The following CFAP69 variants were observed in gnomAD, a reference collection of about 807,000 sequenced individuals.
CFAP69 encodes cilia- and flagella-associated protein 69.
In CFAP69, 92 loss-of-function variants were observed where a neutral mutation model predicts 123.0. The ratio of observed to expected loss-of-function variants is 0.75; its 90% CI spans 0.63 to 0.89. The LOEUF (loss-of-function observed/expected upper bound fraction) is 0.89, where lower values mean the gene tolerates loss of function less well. CFAP69 is among the 40% of genes least tolerant of loss of function. CFAP69 has a pLI of 0.00. For synonymous variants in CFAP69, 380 were observed against 364.3 expected (o/e 1.04, Z -0.49); for missense variants, 1,067 against 1,096.9 (o/e 0.97, Z 0.39).
intron 5 of CFAP69, among the ~76,000 whole-genome samples, chr7:90,267,757 A>AC (rs1799354551): frequency 6.6e-6 from 1 of 152,124 alleles, no homozygotes; most frequent in South Asian, 2.1e-4. Context: ...AAAATTACTG[A>AC]CCCTCTAGTT....
intron 17 of CFAP69, chr7:90,303,562 A>G: frequency 1.0e-6 from 1 of 960,662 alleles, no homozygotes; most frequent in Non-Finnish European, 1.2e-6. Flanking sequence ...ATTGTTTCTG[A>G]GTTTTGACCT....
rs755163557 is a variant in CFAP69 at position 90,299,930 on chromosome 7, A to C, written c.1921A>C (p.Lys641Gln). 15 of 1,611,990 alleles carry C rather than the reference A, an allele frequency of 9.3e-6. No individual in the cohort carries two copies. The highest frequency in any genetic ancestry group is 1.3e-5 in the Non-Finnish European group (15 of 1,178,912). Residue 641 changes from lysine (K) to glutamine (Q), a missense_variant, in exon 17 of 23, where the codon AAA becomes CAA. Transcript: ENST00000389297. Reference protein sequence around the residue: ...GIMVEFCDNPKTAAHVNAWQG... With the variant: ...GIMVEFCDNPQTAAHVNAWQG... ...AATGGTTGAATTTTGTGATAATCCC[A>C]AAACTGCAGCTCATGTCAATGCTTG...
At chr7:90,307,440 G>C (rs925648519) in intron 20 of CFAP69, among the ~76,000 whole-genome samples, 2 of 152,106 alleles carry the variant, frequency 1.3e-5, no homozygotes, top group African/African-American at 4.8e-5. Context: ...TAATTTCAAT[G>C]TATAAACCCA....
At chr7:90,274,575 T>C (rs867934154) in intron 9 of CFAP69, among the ~76,000 whole-genome samples, 7 of 152,222 alleles carry the variant, frequency 4.6e-5, no homozygotes, top group African/African-American at 1.7e-4. Context: ...ATTTCAAAGA[T>C]AAAGTTCTGC....
rs1790606412 is a variant in CFAP69 at position 90,288,342 on chromosome 7, G to T, written c.1765G>T (p.Asp589Tyr). 8 of 1,610,214 alleles carry T rather than the reference G, an allele frequency of 5.0e-6. No homozygotes were observed. The highest frequency in any genetic ancestry group is 5.9e-6 in the Non-Finnish European group (7 of 1,177,428). ...GYNVLLFSTL[D>Y]SIWCCILGCY... The stretch of plus-strand genomic sequence containing the variant: ...TAATGTACTTCTTTTTAGTACATTG[G>T]ACAGCATTTGGTGAGTATTGCTATA... The change falls in exon 15 of 23, where the codon GAC becomes TAC. Residue 589 changes from aspartate (D) to tyrosine (Y), a missense_variant. Asp to Tyr is a radical substitution (Grantham distance 160). Transcript: ENST00000389297.
At chr7:90,250,187 GGAGAGAGAGAGAGAGAGAGAGAGAGA>G (rs10527106) in intron 1 of CFAP69, among the ~76,000 whole-genome samples, 1 of 125,728 alleles carries the variant, frequency 8.0e-6, no homozygotes, top group African/African-American at 3.1e-5. Context: ...TTTAAAGAGA[GGAGAGAGAGAGAGAGAGAGAGAGAGA>G]GAGAGAGAGA....
At chr7:90,312,997 A>G (rs917012830), downstream of CFAP69, among the ~76,000 whole-genome samples, 1 of 152,224 alleles carries the variant, frequency 6.6e-6, no homozygotes, top group Admixed American at 6.5e-5. Context: ...GCTGACTTAC[A>G]TTGAGTGAAA....
chr7:90,259,667 T>C (rs2116710189), intron 3 of CFAP69, among the ~76,000 whole-genome samples: 1 of 152,164 alleles, frequency 6.6e-6, no homozygotes, highest in African/African-American at 2.4e-5. Context: ...AATTCTTTAT[T>C]TTTTTGTGGA....
chr7:90,249,109 G>A (rs1035687983), intron 1 of CFAP69, among the ~76,000 whole-genome samples: 1 of 152,118 alleles, frequency 6.6e-6, no homozygotes, highest in Non-Finnish European at 1.5e-5. Flanking sequence ...ATCTCATCTC[G>A]AATTGTAATC....
chr7:90,276,862 T>C (rs1340601332), intron 9 of CFAP69, among the ~76,000 whole-genome samples: 2 of 152,196 alleles, frequency 1.3e-5, no homozygotes, highest in African/African-American at 4.8e-5. Flanking sequence ...TAAAATTAAA[T>C]AAATCTGGCT....
intron 15 of CFAP69, among the ~76,000 whole-genome samples, chr7:90,295,817 G>T (rs1251003379): frequency 6.6e-6 from 1 of 152,202 alleles, no homozygotes; most frequent in Non-Finnish European, 1.5e-5. Context: ...TGCCAAACAT[G>T]GAGTGGATTA....
chr7:90,271,270 T>C (rs1193725203), intron 6 of CFAP69, among the ~76,000 whole-genome samples: 4 of 152,142 alleles, frequency 2.6e-5, no homozygotes, highest in African/African-American at 9.7e-5. Flanking sequence ...ATTTGTACTG[T>C]TTATTACTGC....
At chr7:90,267,862 T>C (rs984797351) in intron 5 of CFAP69, among the ~76,000 whole-genome samples, 1 of 152,236 alleles carries the variant, frequency 6.6e-6, no homozygotes, top group African/African-American at 2.4e-5. Context: ...CTCAGCCCTT[T>C]TCTCATATTA....
intron 1 of CFAP69, among the ~76,000 whole-genome samples, chr7:90,251,469 T>C (rs539674027): frequency 6.6e-6 from 1 of 152,230 alleles, no homozygotes; most frequent in Non-Finnish European, 1.5e-5. Context: ...TCTGAGCCAA[T>C]TGCAGCAGAG....
intron 3 of CFAP69, among the ~76,000 whole-genome samples, chr7:90,260,735 T>C (rs11563917): frequency 0.02 from 2,996 of 152,270 alleles, 95 homozygotes; most frequent in East Asian, 0.11. Context: ...TGAAAATGTC[T>C]ACTAGCAGGG....
At chr7:90,284,634 G>T (rs867530007) in intron 13 of CFAP69, among the ~76,000 whole-genome samples, 1 of 152,160 alleles carries the variant, frequency 6.6e-6, no homozygotes, top group Non-Finnish European at 1.5e-5. Context: ...AGAGGCTTGG[G>T]TAGTTTTCAA....
At position 90,265,471 on chromosome 7, in the gene CFAP69, A is replaced by C; in HGVS notation, c.433+94A>C. 3 of 770,238 alleles carry C rather than the reference A, an allele frequency of 3.9e-6. No individual in the cohort carries two copies. In the East Asian group the frequency reaches 8.0e-5, roughly 20 times the overall value. The allele number at this position is 770,238 out of a possible 1,614,324, so 47.7% of individuals were successfully genotyped here. A position where few individuals can be genotyped will look rare whatever the true frequency, so the allele number is the denominator to read the frequency against. Reference sequence around the variant, plus strand: ...ATTTTCCCCAAGTTTCACTAAGAGGACTCCTTCTCCATGTCTAGGATCTTC... The same window carrying C: ...ATTTTCCCCAAGTTTCACTAAGAGGCCTCCTTCTCCATGTCTAGGATCTTC... On this transcript the variant is annotated intron_variant, in intron 5 of 22. Transcript: ENST00000389297.
downstream of CFAP69, among the ~76,000 whole-genome samples, chr7:90,314,092 G>T (rs1318854879): frequency 6.6e-6 from 1 of 152,046 alleles, no homozygotes; most frequent in Non-Finnish European, 1.5e-5. Context: ...CAATATACCT[G>T]ACCAGTACTC....
At chr7:90,246,026 A>G (rs1049612659) in intron 1 of CFAP69, among the ~76,000 whole-genome samples, 26 of 152,212 alleles carry the variant, frequency 1.7e-4, no homozygotes, top group Non-Finnish European at 4.4e-5. Context: ...GAGGGGAGGA[A>G]AACGCTGTTA....
Sources: gnomAD v4.1 joint callset for allele counts (sites outside exome capture counted in the v4.1 genomes callset) on GRCh38, gnomAD v4.1.1 for gene constraint, MANE v1.5 for transcripts, NCBI Gene and HGNC (gene_info 2026-07-23, HGNC 2026-07-21) for gene names.